GOLM1: variants seen among roughly 807,000 people sequenced by gnomAD.
GOLM1 encodes golgi membrane protein 1, also known as epididymis luminal protein 46.
Under a neutral mutation model 50.5 loss-of-function variants are expected in GOLM1, and 31 were observed. The observed-to-expected ratio is 0.61, with a 90% CI of 0.46 to 0.83. GOLM1 has a LOEUF of 0.83. GOLM1 is among the 40% of genes least tolerant of loss of function. GOLM1 has a pLI of 0.00. For synonymous variants in GOLM1, 178 were observed against 192.8 expected, an observed-to-expected ratio of 0.92 and a Z score of 0.64; for missense variants, 491 against 501.3, an observed-to-expected ratio of 0.98 and a Z score of 0.20.
At chr9:86,076,240 G>A (rs747772812) in intron 3 of GOLM1, among the ~76,000 whole-genome samples, 4 of 151,648 alleles carry the variant, frequency 2.6e-5, no homozygotes, top group Non-Finnish European at 5.9e-5. Context: ...CCAACATGGC[G>A]AAATCCCATC....
intron 9 of GOLM1, among the ~76,000 whole-genome samples, chr9:86,028,974 G>A (rs138173714): frequency 0.024 from 3,530 of 149,656 alleles, 121 homozygotes; most frequent in African/African-American, 0.078. Flanking sequence ...TAAGCTTCCC[G>A]AGTAGCTGGG....
At chr9:86,099,787 C>T (rs1014880473), upstream of GOLM1, among the ~76,000 whole-genome samples, 10 of 152,104 alleles carry the variant, frequency 6.6e-5, no homozygotes, top group African/African-American at 2.4e-4. Context: ...GCCACCCCAT[C>T]GCCCCTTCCG....
Position 86,034,982 on chromosome 9 carries a change from A to C in GOLM1, c.1015+386T>G, listed in dbSNP as rs28625461. ...CCAATATTCCTTCCTTCCTTCCTTCATTCATTCACTAGGCACTGATTGTCT... is the reference window on the plus strand; with the variant it reads ...CCAATATTCCTTCCTTCCTTCCTTCCTTCATTCACTAGGCACTGATTGTCT... On this transcript the variant is annotated intron_variant, in intron 8 of 9. Transcript: ENST00000388712. The C allele has an allele frequency of 9.7e-4, 956 of 983,238 alleles. 7 individuals are homozygous for C. The African/African-American group carries it at 0.015, about 15-fold the overall frequency. The allele number at this position is 983,238 out of a possible 1,614,324, so 60.9% of individuals were successfully genotyped here.
chr9:86,082,803 C>T (rs1234433148), intron 1 of GOLM1, among the ~76,000 whole-genome samples: 1 of 152,198 alleles, frequency 6.6e-6, no homozygotes, highest in Non-Finnish European at 1.5e-5. Flanking sequence ...TATTTTTTAA[C>T]CTCCCCAGGT....
Position 86,088,577 on chromosome 9 carries a change from T to G in GOLM1, c.-21-9236A>C, listed in dbSNP as rs75960320. ...GGATTGCAACTCCTGGTTTTGTTTT[T>G]TTTTTTTTTTTGTTTTGTTTTTTTG... On this transcript the variant is annotated intron_variant, in intron 1 of 9. Coordinates refer to ENST00000388712, the MANE Select transcript of GOLM1 (RefSeq NM_016548.4). Among the ~76,000 whole-genome samples, 61 of 17,796 alleles carry G rather than the reference T, an allele frequency of 3.4e-3. 1 individual carries two copies. Among genetic ancestry groups the G allele is most frequent in the African/African-American group, 0.011 (30 of 2,786 alleles). The allele number at this position is 17,796 out of a possible 152,430, so 11.7% of individuals were successfully genotyped here. A position where few individuals can be genotyped will look rare whatever the true frequency, so the allele number is the denominator to read the frequency against.
At chr9:86,076,336 G>A (rs946680497) in intron 3 of GOLM1, among the ~76,000 whole-genome samples, 1 of 135,756 alleles carries the variant, frequency 7.4e-6, no homozygotes, top group Non-Finnish European at 1.5e-5. Context: ...CAGGAGAATT[G>A]CTTGAACCCG....
At chr9:86,077,906 A>C in intron 2 of GOLM1, 1 of 318,350 alleles carries the variant, frequency 3.1e-6, no homozygotes, top group East Asian at 5.2e-5. Flanking sequence ...TGATGCTCAA[A>C]TATTTAGTTC....
intron 9 of GOLM1, among the ~76,000 whole-genome samples, chr9:86,028,346 G>A (rs1205396702): frequency 6.6e-6 from 1 of 152,220 alleles, no homozygotes; most frequent in East Asian, 1.9e-4. Flanking sequence ...ATTGATGGTG[G>A]AACGATTCGG....
chr9:86,088,657 C>G (rs1212192871), intron 1 of GOLM1, among the ~76,000 whole-genome samples: 3 of 144,864 alleles, frequency 2.1e-5, no homozygotes, highest in African/African-American at 7.7e-5. Flanking sequence ...CTATGTGTGT[C>G]TCTGCGTGTG....
intron 5 of GOLM1, 98 bp downstream of exon 5, chr9:86,046,369 CAGA>C (rs1224750628): frequency 1.6e-5 from 12 of 732,374 alleles, no homozygotes; most frequent in Non-Finnish European, 2.7e-5. Context: ...CCGCACGGAG[CAGA>C]AGGTGCATGC....
intron 3 of GOLM1, among the ~76,000 whole-genome samples, chr9:86,069,137 A>AT (rs142064430): frequency 0.36 from 53,557 of 149,148 alleles, 12,167 homozygotes; most frequent in African/African-American, 0.64. Flanking sequence ...TGTAATCTCT[A>AT]TTTTTTTTTT....
At chr9:86,075,847 A>G (rs1943508774) in intron 3 of GOLM1, among the ~76,000 whole-genome samples, 1 of 152,208 alleles carries the variant, frequency 6.6e-6, no homozygotes, top group African/African-American at 2.4e-5. Context: ...TCTCACCAGT[A>G]AGAAAAGGGA....
At chr9:86,088,133 T>C (rs1299077013) in intron 1 of GOLM1, among the ~76,000 whole-genome samples, 3 of 152,106 alleles carry the variant, frequency 2.0e-5, no homozygotes, top group African/African-American at 7.2e-5. Flanking sequence ...TATTGGTCTA[T>C]TCAGGGATTT....
intron 9 of GOLM1, among the ~76,000 whole-genome samples, chr9:86,030,433 C>A (rs1206417260): frequency 6.6e-6 from 1 of 152,006 alleles, no homozygotes; most frequent in Non-Finnish European, 1.5e-5. Flanking sequence ...TCTAAAAATT[C>A]CAAACAACTC....
At chr9:86,032,260 C>T (rs570419436) in intron 9 of GOLM1, among the ~76,000 whole-genome samples, 2 of 152,208 alleles carry the variant, frequency 1.3e-5, no homozygotes, top group East Asian at 1.9e-4. Context: ...CTCTGCCTCC[C>T]GGGTTCAAGC....
chr9:86,056,409 GA>G (rs11359072), intron 3 of GOLM1, among the ~76,000 whole-genome samples: 8,473 of 151,196 alleles, frequency 0.056, 682 homozygotes, highest in African/African-American at 0.18. Flanking sequence ...GGGAAACTAC[GA>G]AAATGCTTCT....
intron 3 of GOLM1, among the ~76,000 whole-genome samples, chr9:86,070,415 C>A (rs1834415220): frequency 6.6e-6 from 1 of 151,568 alleles, no homozygotes; most frequent in Non-Finnish European, 1.5e-5. Context: ...CTACTAGAAA[C>A]ACAAAAATTA....
intron 1 of GOLM1, among the ~76,000 whole-genome samples, chr9:86,087,998 A>C (rs544327406): frequency 6.6e-6 from 1 of 152,150 alleles, no homozygotes; most frequent in Non-Finnish European, 1.5e-5. Flanking sequence ...TGTTTGGAAT[A>C]GTTTCAGAAG....
intron 3 of GOLM1, among the ~76,000 whole-genome samples, chr9:86,076,421 CAAAAAAAAAAAAA>C (rs58193076): frequency 6.0e-4 from 14 of 23,336 alleles, no homozygotes; most frequent in Admixed American, 2.6e-3. Context: ...AACCCCATCT[CAAAAAAAAAAAAA>C]AAAAAAAAAA....
Sources: allele counts gnomAD v4.1 joint callset (sites outside exome capture counted in the v4.1 genomes callset), GRCh38; gene constraint gnomAD v4.1.1; transcripts MANE v1.5; gene names NCBI Gene and HGNC (gene_info 2026-07-23, HGNC 2026-07-21).